Variants in NAPRT observed in about 807,000 individuals in gnomAD.
NAPRT encodes the protein FHA-HIT-interacting protein.
In NAPRT, 66 loss-of-function variants were observed where a neutral mutation model predicts 60.7. That is an observed-to-expected ratio of 1.09 (90% confidence interval 0.89 to 1.33). NAPRT has a LOEUF of 1.33. Ranked by LOEUF, NAPRT falls within the 40% of genes most tolerant of loss-of-function variation. The pLI is 0.00. For synonymous variants in NAPRT, 405 were observed against 335.7 expected (o/e 1.21, Z -2.26); for missense variants, 818 against 731.5 (o/e 1.12, Z -1.36).
chr8:143,575,550 G>C (rs1214288472), intron 9 of NAPRT, 25 bp from the exon 10 acceptor site: 21 of 1,595,492 alleles, frequency 1.3e-5, no homozygotes, highest in Non-Finnish European at 1.8e-5. Context: ...CGTTGAGCTG[G>C]CTGGTCCTTA....
chr8:143,578,117 G>T lies in NAPRT; in HGVS notation c.202C>A (p.Arg68Ser), dbSNP rs537344790. The T allele has an allele frequency of 1.3e-6, 2 of 1,523,444 alleles. No homozygotes were observed. Among genetic ancestry groups the T allele is most frequent in the Non-Finnish European group, 1.8e-6 (2 of 1,142,134 alleles). 94.4% of individuals were successfully genotyped at this position (1,523,444 alleles called of 1,614,324 possible). ...CCGGCGTCCCGCAGGCGGAAGGCGC[G>T]CAGGAAGCGCACACAGTCGCGCAAG... ...AGLRDCVRFL[R>S]AFRLRDADVQ... is the part of the protein sequence containing the mutation. Residue 68 changes from arginine (R) to serine (S), a missense_variant, in exon 1 of 13, where the codon CGC becomes AGC. Coordinates refer to ENST00000449291, the MANE Select transcript of NAPRT (RefSeq NM_145201.6).
chr8:143,575,986 C>G (rs576037983), intron 8 of NAPRT, 92 bp downstream of exon 8: 3 of 1,040,980 alleles, frequency 2.9e-6, no homozygotes, highest in Non-Finnish European at 2.7e-6. Context: ...GTGCCCTGGG[C>G]GGGGAAGGAG....
downstream of NAPRT, chr8:143,574,637 C>G: frequency 1.5e-6 from 1 of 683,782 alleles, no homozygotes; most frequent in Middle Eastern, 3.9e-4. Flanking sequence ...ACAGGGCTGT[C>G]TCCCACGCCG....
At position 143,575,680 on chromosome 8, in the gene NAPRT, C is replaced by G. The variant is rs1171483544; in HGVS notation, c.1130G>C (p.Gly377Ala). The change falls in exon 9 of 13, where the codon GGC becomes GCC. Residue 377 changes from glycine (G) to alanine (A), a missense_variant. Gly to Ala is a moderately conservative substitution (Grantham distance 60). Coordinates refer to ENST00000449291, the MANE Select transcript of NAPRT (RefSeq NM_145201.6). The stretch of plus-strand genomic sequence containing the variant: ...GCAGGTGACCACACTGGTGCCAATG[C>G]CAATGACATTCACCTCACTGCCCTG... ...AQEGSEVNVI[G>A]IGTSVVTCPQ... 1 of 1,591,888 alleles carries G rather than the reference C, an allele frequency of 6.3e-7. No individual in the cohort carries two copies. Among genetic ancestry groups the G allele is most frequent in the South Asian group, 1.1e-5 (1 of 88,210 alleles).
In NAPRT at chr8:143,578,303, C is replaced by T; in HGVS notation, c.16G>A (p.Asp6Asn). The change falls in exon 1 of 13, where the codon GAC becomes AAC. Residue 6 changes from aspartate (D) to asparagine (N), a missense_variant. Physicochemically the swap from Asp to Asn is conservative, Grantham distance 23. Coordinates refer to ENST00000449291, the MANE Select transcript of NAPRT (RefSeq NM_145201.6). ...CGCGCCGCCGCGCGCGCCTCGGGGT[C>T]CTGCTCCGCCGCCATCCTGCTCCCG... MAAEQDPEARAAARPL... is the reference protein window; with the variant it reads MAAEQNPEARAAARPL... The T allele has an allele frequency of 1.4e-6, 2 of 1,382,574 alleles. No homozygotes were observed. Among genetic ancestry groups the T allele is most frequent in the South Asian group, 1.7e-5 (1 of 58,438 alleles). The allele number at this position is 1,382,574 out of a possible 1,614,324, so 85.6% of individuals were successfully genotyped here. A position where few individuals can be genotyped will look rare whatever the true frequency, so the allele number is the denominator to read the frequency against.
Position 143,577,657 on chromosome 8 carries a change from C to G in NAPRT, c.437G>C (p.Ser146Thr). 1 of 1,537,700 alleles carries G rather than the reference C, an allele frequency of 6.5e-7. No individual in the cohort carries two copies. The highest frequency in any genetic ancestry group is 8.7e-7 in the Non-Finnish European group (1 of 1,146,632). ...TCCCTGCCAGTGGCCCGCAGCCCAC[C>G]TGGCGTAGCTGACCAGGCAGAGCAG... ...TPLLCLVSYA[S>T]LVATNAARLR... Residue 146 changes from serine (S) to threonine (T), a missense_variant and splice_region_variant, in exon 3 of 13, where the codon AGC becomes ACC. By Grantham distance (58) the Ser-to-Thr change is moderately conservative (BLOSUM62 1). Transcript: ENST00000449291.
intron 12 of NAPRT, 32 bp from the exon 13 acceptor site, chr8:143,574,932 A>G (rs1234081518): frequency 4.5e-6 from 7 of 1,550,308 alleles, no homozygotes; most frequent in Non-Finnish European, 1.7e-6. Context: ...AGCGGTGGGC[A>G]GGGTGAGGGC....
chr8:143,577,161 G>A lies in NAPRT; in HGVS notation c.585C>T (p.Ser195=), dbSNP rs373690477. The change falls in exon 5 of 13, where the codon AGC becomes AGT. Residue 195 remains serine (S), a synonymous_variant. Coordinates refer to ENST00000449291, the MANE Select transcript of NAPRT (RefSeq NM_145201.6). The stretch of plus-strand genomic sequence containing the variant: ...CTCGCAGCTGGCCCGCTAGCACGTT[G>A]CTGCTGCTGTCGAAGCCTGGGGAGG... The part of the protein sequence containing the change: ...YSYLGGFDSS[S]NVLAGQLRGV... 111 of 1,612,232 alleles carry A rather than the reference G, an allele frequency of 6.9e-5. No individual in the cohort carries two copies. Among genetic ancestry groups the A allele is most frequent in the Non-Finnish European group, 9.0e-5 (106 of 1,179,520 alleles).
chr8:143,575,400 CA>C (rs1179635537), intron 10 of NAPRT, 22 bp downstream of exon 10: 2 of 1,593,954 alleles, frequency 1.3e-6, no homozygotes, highest in East Asian at 4.5e-5. Flanking sequence ...AGGTGGACAG[CA>C]GGGGGGATGG....
At chr8:143,574,565 G>C, downstream of NAPRT, 1 of 590,906 alleles carries the variant, frequency 1.7e-6, no homozygotes, top group Non-Finnish European at 3.0e-6. Context: ...TCTAGTGTGG[G>C]ATCTGACTCC....
At chr8:143,574,720 CCGCAGCCCGGGAGG>C (rs1554658801), downstream of NAPRT, 2 of 1,257,982 alleles carry the variant, frequency 1.6e-6, no homozygotes, top group African/African-American at 1.5e-5. Context: ...TCCAGCCCAG[CCGCAGCCCGGGAGG>C]CGCAGCCCGT....
At position 143,574,940 on chromosome 8, in the gene NAPRT, G is replaced by A. The variant is rs570217505; in HGVS notation, c.1555-40C>T. 3.2e-4 allele frequency: 496 copies of A among 1,550,116 alleles called. 4 individuals are homozygous for A. The African/African-American group carries it at 6.2e-3, about 19-fold the overall frequency. On this transcript the variant is annotated intron_variant, in intron 12 of 12. Coordinates refer to ENST00000449291, the MANE Select transcript of NAPRT (RefSeq NM_145201.6). ...GGACAGGAGCGGTGGGCAGGGTGAG[G>A]GCGGGGGCGCACAGGGCAGAATGAC...
rs376393105 is a variant in NAPRT, at chr8:143,576,872, G to T, written c.685-30C>A. The T allele has an allele frequency of 6.4e-6, 10 of 1,573,472 alleles. No individual in the cohort carries two copies. The East Asian group carries it at 2.1e-4, about 32-fold the overall frequency. ...GGAACAGAGTCGGTGAAGAATGGGG[G>T]CCAGGAATGCAGGATGAGGCCTGGG... is the stretch of plus-strand genomic sequence containing the variant. On this transcript the variant is annotated intron_variant, in intron 5 of 12. Coordinates refer to ENST00000449291, the MANE Select transcript of NAPRT (RefSeq NM_145201.6).
chr8:143,575,735 C>A, intron 8 of NAPRT, 33 bp from the exon 9 acceptor site: 5 of 1,408,846 alleles, frequency 3.5e-6, no homozygotes, highest in Admixed American at 2.1e-5. Context: ...GTGAGCCCAG[C>A]TGCCCTGGGT....
intron 8 of NAPRT, 43 bp downstream of exon 8, chr8:143,576,035 G>A (rs1216143553): frequency 3.3e-6 from 5 of 1,498,158 alleles, no homozygotes; most frequent in Non-Finnish European, 3.6e-6. Context: ...GGGGCCCCCA[G>A]AGCCCCCCAG....
chr8:143,577,747 G>C lies in NAPRT; in HGVS notation c.355-8C>G. The C allele has an allele frequency of 6.4e-7, 1 of 1,554,494 alleles. No individual in the cohort carries two copies. The highest frequency in any genetic ancestry group is 8.7e-7 in the Non-Finnish European group (1 of 1,152,168). Reference sequence around the variant, plus strand: ...CACCTGCAGGAGCGGCACCTGCGGGGAGAGAAGTCAGCTCCGCGCTCGGCC... The same window carrying C: ...CACCTGCAGGAGCGGCACCTGCGGGCAGAGAAGTCAGCTCCGCGCTCGGCC... On this transcript the variant is annotated splice_region_variant and splice_polypyrimidine_tract_variant and intron_variant, in intron 2 of 12. Transcript: ENST00000449291.
At position 143,578,282 on chromosome 8, in the gene NAPRT, CCGCCGCG is replaced by C; in HGVS notation, c.30_36del (p.Ala11ArgfsTer92). On this transcript the variant is annotated frameshift_variant, in exon 1 of 13. Transcript: ENST00000449291. LOFTEE classifies it high-confidence loss of function. ...TAGAGGTCAGTGAGCAGCGGCCGCGCCGCCGCGCGCGCCTCGGGGTCCTGCTCCGCCG... is the reference window on the plus strand; with the variant it reads ...TAGAGGTCAGTGAGCAGCGGCCGCGCCGCGCCTCGGGGTCCTGCTCCGCCG... 1 of 1,411,032 alleles carries C rather than the reference CCGCCGCG, an allele frequency of 7.1e-7. No individual in the cohort carries two copies. Among genetic ancestry groups the C allele is most frequent in the Non-Finnish European group, 9.2e-7 (1 of 1,089,632 alleles). The allele number at this position is 1,411,032 out of a possible 1,614,324, so 87.4% of individuals were successfully genotyped here. A position where few individuals can be genotyped will look rare whatever the true frequency, so the allele number is the denominator to read the frequency against.
At chr8:143,577,573 C>T in intron 3 of NAPRT, 84 bp downstream of exon 3, 1 of 1,499,728 alleles carries the variant, frequency 6.7e-7, no homozygotes, top group South Asian at 1.2e-5. Flanking sequence ...GGGCAGCCAG[C>T]CCCGCCGCCA....
chr8:143,577,779 C>A lies in NAPRT; in HGVS notation c.354+37G>T, dbSNP rs2305496. ...GTCAGCTCCGCGCTCGGCCCAGCACCCCGTGGCCGCCGCGCCGCCCGCTTA... is the reference window on the plus strand; with the variant it reads ...GTCAGCTCCGCGCTCGGCCCAGCACACCGTGGCCGCCGCGCCGCCCGCTTA... On this transcript the variant is annotated intron_variant, in intron 2 of 12. Coordinates refer to ENST00000449291, the MANE Select transcript of NAPRT (RefSeq NM_145201.6). 192,273 of 1,574,126 alleles carry A rather than the reference C, an allele frequency of 0.12. 14,995 individuals are homozygous for A. Among genetic ancestry groups the A allele is most frequent in the East Asian group, 0.35 (14,798 of 42,820 alleles).
Sources: allele counts gnomAD v4.1 joint callset, GRCh38; gene constraint gnomAD v4.1.1; transcripts MANE v1.5; gene names NCBI Gene and HGNC (gene_info 2026-07-23, HGNC 2026-07-21).